TPO: variants seen among roughly 807,000 people sequenced by gnomAD.
The protein encoded by TPO is thyroid microsomal antigen.
TPO carries 78 observed loss-of-function variants against 96.9 expected under a neutral mutation model. The observed-to-expected ratio is 0.81, with a 90% confidence interval of 0.67 to 0.97. TPO has a LOEUF of 0.97. Among genes scored for constraint, TPO ranks in the 50% least tolerant of loss-of-function variants. TPO has a pLI of 0.00. For missense variants in TPO, 1,252 were observed against 1,274.8 expected (o/e 0.98, Z 0.27); for synonymous variants, 547 against 538.0 (o/e 1.02, Z -0.23).
chr2:1,451,760 T>C (rs889535310), intron 5 of TPO, among the ~76,000 whole-genome samples: 4 of 152,164 alleles, frequency 2.6e-5, no homozygotes, highest in South Asian at 2.1e-4. Flanking sequence ...TCTGTATTTA[T>C]TTTTAACAAA....
At chr2:1,400,617 G>T in intron 1 of TPO, among the ~76,000 whole-genome samples, 1 of 94,668 alleles carries the variant, frequency 1.1e-5, no homozygotes, top group Admixed American at 1.3e-4. Context: ...CATTACATGC[G>T]TCTCAAAAAA....
intron 5 of TPO, among the ~76,000 whole-genome samples, chr2:1,449,825 T>C (rs1667160669): frequency 6.6e-6 from 1 of 152,194 alleles, no homozygotes; most frequent in Admixed American, 6.5e-5. Flanking sequence ...TAGAAAGCAT[T>C]TGCATCTTTT....
intron 5 of TPO, among the ~76,000 whole-genome samples, chr2:1,444,280 G>A (rs1356630870): frequency 7.3e-6 from 1 of 137,644 alleles, no homozygotes; most frequent in Non-Finnish European, 1.6e-5. Context: ...TGCTGCAGGA[G>A]GTACCATGTT....
upstream of TPO, among the ~76,000 whole-genome samples, chr2:1,410,040 T>C (rs933049205): frequency 2.0e-5 from 3 of 151,940 alleles, no homozygotes; most frequent in Non-Finnish European, 2.9e-5. Context: ...AGGGTTTCAG[T>C]TGCAGGATAA....
In TPO at chr2:1,460,031, A is replaced by T. The variant is rs546688342; in HGVS notation, c.819+3749A>T. ...GCTCACTGCAACCTCCGCCTCCCGG[A>T]TATAAGCGATTCTCCTGCCTCAGCA... On this transcript the variant is annotated intron_variant, in intron 7 of 16. Coordinates refer to ENST00000329066, the MANE Select transcript of TPO (RefSeq NM_001206744.2). Among the ~76,000 whole-genome samples, 344 of 150,938 alleles carry T rather than the reference A, an allele frequency of 2.3e-3. 4 individuals are homozygous for T. The highest frequency in any genetic ancestry group is 7.9e-3 in the African/African-American group (323 of 41,082).
chr2:1,461,037 C>G (rs933600815), intron 7 of TPO, among the ~76,000 whole-genome samples: 4 of 152,112 alleles, frequency 2.6e-5, no homozygotes, highest in African/African-American at 9.7e-5. Flanking sequence ...TTATGTTTGT[C>G]CAGACAGGTG....
intron 1 of TPO, among the ~76,000 whole-genome samples, chr2:1,402,522 C>T (rs933968827): frequency 1.3e-5 from 2 of 152,088 alleles, no homozygotes; most frequent in Admixed American, 6.5e-5. Context: ...AAGACATACC[C>T]GAGACTGGTC....
intron 4 of TPO, among the ~76,000 whole-genome samples, chr2:1,435,079 A>G (rs899224112): frequency 7.9e-5 from 12 of 152,022 alleles, no homozygotes; most frequent in Non-Finnish European, 1.5e-4. Flanking sequence ...GACTACAGGC[A>G]CTCACCACCA....
Position 1,540,602 on chromosome 2 carries a change from C to T in TPO, c.2627C>T (p.Thr876Ile). 1 of 1,613,526 alleles carries T rather than the reference C, an allele frequency of 6.2e-7. No homozygotes were observed. Among genetic ancestry groups the T allele is most frequent in the South Asian group, 1.1e-5 (1 of 91,068 alleles). ...ACACGTGTCTCCCACAGGACACGCA[C>T]TGGCACTAAATCCACACTGCCCATC... ...TSTVICRWTR[T>I]GTKSTLPISE... is the part of the protein sequence containing the mutation. Residue 876 changes from threonine (T) to isoleucine (I), a missense_variant, in exon 16 of 17, where the codon ACT becomes ATT. By Grantham distance (89) the Thr-to-Ile change is moderately conservative. Coordinates refer to ENST00000329066, the MANE Select transcript of TPO (RefSeq NM_001206744.2).
chr2:1,478,352 G>GC, intron 8 of TPO: 2 of 985,454 alleles, frequency 2.0e-6, no homozygotes, highest in Non-Finnish European at 2.4e-6. Flanking sequence ...GTTGCACCAG[G>GC]CCCTGTGGCG....
At chr2:1,444,083 C>G (rs1666504192) in intron 5 of TPO, among the ~76,000 whole-genome samples, 1 of 141,188 alleles carries the variant, frequency 7.1e-6, no homozygotes, top group African/African-American at 2.7e-5. Context: ...GCGGGAGGCA[C>G]CATGTTAGAA....
intron 15 of TPO, among the ~76,000 whole-genome samples, chr2:1,535,082 T>C (rs74201332): frequency 0.57 from 9,003 of 15,934 alleles, 1,847 homozygotes; most frequent in South Asian, 0.64. Flanking sequence ...TCTGTGCACC[T>C]TCCCCAAATC....
intron 1 of TPO, among the ~76,000 whole-genome samples, chr2:1,404,932 TTCAA>T (rs1354969756): frequency 6.6e-6 from 1 of 152,224 alleles, no homozygotes; most frequent in East Asian, 1.9e-4. Flanking sequence ...CTTACAATAA[TTCAA>T]TCAGTTATTT....
At chr2:1,423,302 TC>T (rs1416007543) in intron 3 of TPO, among the ~76,000 whole-genome samples, 173 bp downstream of exon 3, 6 of 152,218 alleles carry the variant, frequency 3.9e-5, no homozygotes, top group Non-Finnish European at 8.8e-5. Flanking sequence ...TGGTATTTAA[TC>T]TCCAATCCTT....
chr2:1,429,980 G>T (rs1664815598), intron 3 of TPO, among the ~76,000 whole-genome samples: 1 of 152,214 alleles, frequency 6.6e-6, no homozygotes, highest in Non-Finnish European at 1.5e-5. Flanking sequence ...TTCAGGGAAA[G>T]AATTAAAGGG....
intron 2 of TPO, among the ~76,000 whole-genome samples, chr2:1,421,743 T>C (rs1192004780): frequency 1.3e-5 from 2 of 152,130 alleles, no homozygotes; most frequent in African/African-American, 4.8e-5. Flanking sequence ...GAAAGAAATC[T>C]CCATAAAGCC....
chr2:1,537,857 T>TC (rs1558442887), intron 15 of TPO, among the ~76,000 whole-genome samples: 19 of 17,676 alleles, frequency 1.1e-3, no homozygotes, highest in Admixed American at 6.9e-3. Flanking sequence ...CTGTGTGCAA[T>TC]CTCAAATCCC....
chr2:1,478,321 T>C (rs2138020), intron 8 of TPO: 153 of 984,420 alleles, frequency 1.6e-4, no homozygotes, highest in Non-Finnish European at 1.8e-4. Flanking sequence ...CTGTTTGATA[T>C]GCGAGTCACC....
intron 6 of TPO, 96 bp from the exon 7 acceptor site, chr2:1,455,980 C>A: frequency 7.7e-7 from 1 of 1,298,490 alleles, no homozygotes; most frequent in Non-Finnish European, 1.1e-6. Flanking sequence ...GCTCTGTGAA[C>A]AAGAACCACA....
Sources: gnomAD v4.1 joint callset for allele counts (sites outside exome capture counted in the v4.1 genomes callset) on GRCh38, gnomAD v4.1.1 for gene constraint, MANE v1.5 for transcripts, NCBI Gene and HGNC (gene_info 2026-07-23, HGNC 2026-07-21) for gene names.